The following CCDC174 variants were observed in gnomAD, a reference collection of about 807,000 sequenced individuals.
CCDC174 encodes the protein coiled-coil domain containing 174, also known as coiled-coil domain-containing protein 174.
CCDC174 carries 37 observed loss-of-function variants against 57.1 expected under a neutral mutation model. The observed-to-expected ratio is 0.65, with a 90% CI of 0.50 to 0.85. CCDC174 has a LOEUF of 0.85. Among genes scored for constraint, CCDC174 ranks in the 40% least tolerant of loss-of-function variants. The pLI is 0.00. For missense variants in CCDC174, 540 were observed against 574.3 expected (o/e 0.94, Z 0.61); for synonymous variants, 182 against 190.2 (o/e 0.96, Z 0.35).
chr3:14,669,810 G>C (rs952224274), intron 9 of CCDC174, 124 bp from the exon 10 acceptor site: 1 of 861,036 alleles, frequency 1.2e-6, no homozygotes, highest in Non-Finnish European at 1.8e-6. Context: ...CCACTGCCTG[G>C]GACATGTTAG....
intron 5 of CCDC174, among the ~76,000 whole-genome samples, chr3:14,663,964 C>T (rs1361177372): frequency 6.6e-6 from 1 of 152,020 alleles, no homozygotes; most frequent in Non-Finnish European, 1.5e-5. Flanking sequence ...AGTTAAATTC[C>T]AGGTGGTAGA....
At position 14,659,748 on chromosome 3, in the gene CCDC174, C is replaced by G. The variant is rs369886812; in HGVS notation, c.307+819C>G. ...TTTTCTCATATCCCCCAGAAAAAACCCAATCCATAATTAGACAACAGTAGA... is the reference window on the plus strand; with the variant it reads ...TTTTCTCATATCCCCCAGAAAAAACGCAATCCATAATTAGACAACAGTAGA... On this transcript the variant is annotated intron_variant, in intron 4 of 10. Coordinates refer to ENST00000383794, the MANE Select transcript of CCDC174 (RefSeq NM_016474.5). Among the ~76,000 whole-genome samples, 15 of 152,128 alleles carry G rather than the reference C, an allele frequency of 9.9e-5. No homozygotes were observed. In the East Asian group the frequency reaches 2.7e-3, roughly 27 times the overall value.
chr3:14,664,385 C>T (rs1474203100), intron 5 of CCDC174, among the ~76,000 whole-genome samples: 5 of 152,114 alleles, frequency 3.3e-5, no homozygotes, highest in Non-Finnish European at 5.9e-5. Context: ...AACATCTGTC[C>T]GTATTTTCCA....
rs771345868 is a variant in CCDC174, at chr3:14,666,879, A to T, written c.656A>T (p.Glu219Val). ...MRKELQRQQW[E>V]EEEREALKRP... ...AAAGAACTTCAGCGCCAGCAATGGG[A>T]GGAAGAAGAAAGAGAGGCCCTGAAG... The change falls in exon 7 of 11, where the codon GAG becomes GTG. Residue 219 changes from glutamate (E) to valine (V), a missense_variant. Glu to Val is a moderately radical substitution (Grantham distance 121). Transcript: ENST00000383794. 6.2e-7 allele frequency: 1 copy of T among 1,607,374 alleles called. No homozygotes were observed.
At chr3:14,664,940 T>G in intron 5 of CCDC174, 88 bp from the exon 6 acceptor site, 1 of 903,542 alleles carries the variant, frequency 1.1e-6, no homozygotes, top group Non-Finnish European at 1.9e-6. Context: ...GAGGCCTATC[T>G]TCCCCCTTCA....
intron 1 of CCDC174, among the ~76,000 whole-genome samples, chr3:14,652,451 G>C (rs965499757): frequency 1.3e-5 from 2 of 152,188 alleles, no homozygotes; most frequent in Admixed American, 6.5e-5. Flanking sequence ...AAGAAAACTT[G>C]TTCTAAGTAC....
intron 6 of CCDC174, among the ~76,000 whole-genome samples, chr3:14,666,006 C>T (rs138125791): frequency 1.1e-3 from 154 of 146,062 alleles, no homozygotes; most frequent in African/African-American, 3.8e-3. Context: ...CCACTGCACT[C>T]CAGTCTGGGC....
chr3:14,659,523 C>T (rs969814722), intron 4 of CCDC174, among the ~76,000 whole-genome samples: 3 of 152,088 alleles, frequency 2.0e-5, no homozygotes, highest in African/African-American at 7.2e-5. Context: ...TCTGTCTCTA[C>T]AAAAAGTAAT....
chr3:14,655,243 T>C (rs56901838), intron 2 of CCDC174, among the ~76,000 whole-genome samples: 19,149 of 151,928 alleles, frequency 0.13, 1,449 homozygotes, highest in Non-Finnish European at 0.18. Context: ...CCCAGGATGT[T>C]GAGGCTGCAG....
At chr3:14,668,283 A>G (rs1303629609) in intron 9 of CCDC174, 102 bp downstream of exon 9, 1 of 1,177,562 alleles carries the variant, frequency 8.5e-7, no homozygotes. Context: ...ATTTAGTTTT[A>G]TATTTAAGCA....
intron 1 of CCDC174, 48 bp from the exon 2 acceptor site, chr3:14,654,378 C>A (rs2030878435): frequency 1.1e-6 from 1 of 935,224 alleles, no homozygotes; most frequent in South Asian, 1.5e-5. Flanking sequence ...GCAATCCAGT[C>A]ACCTGCAGGA....
rs2031511156 is a variant in CCDC174 at position 14,671,481 on chromosome 3, A to G, written c.*287A>G. 1 of 340,958 alleles carries G rather than the reference A, an allele frequency of 2.9e-6. No homozygotes were observed. Among genetic ancestry groups the G allele is most frequent in the Admixed American group, 4.5e-5 (1 of 22,366 alleles). The allele number at this position is 340,958 out of a possible 1,614,324, so 21.1% of individuals were successfully genotyped here. Reference sequence around the variant, plus strand: ...AATTAGACACTGAGATGTGCTTATAACCCTGTTTCATATCTACTCCCACGA... The same window carrying G: ...AATTAGACACTGAGATGTGCTTATAGCCCTGTTTCATATCTACTCCCACGA... On this transcript the variant is annotated 3_prime_UTR_variant, in exon 11 of 11. Transcript: ENST00000383794.
chr3:14,664,338 T>C (rs1332610827), intron 5 of CCDC174, among the ~76,000 whole-genome samples: 3 of 152,178 alleles, frequency 2.0e-5, no homozygotes, highest in African/African-American at 7.2e-5. Context: ...AAGTAAAATA[T>C]CTGTTGCGTC....
chr3:14,655,042 C>T (rs116138947), intron 2 of CCDC174, among the ~76,000 whole-genome samples: 1,575 of 152,308 alleles, frequency 0.01, 25 homozygotes, highest in African/African-American at 0.034. Context: ...TTAGGCTGGG[C>T]GTGGTTCCCA....
intron 8 of CCDC174, 61 bp downstream of exon 8, chr3:14,667,579 C>A: frequency 8.1e-7 from 1 of 1,227,428 alleles, no homozygotes; most frequent in Non-Finnish European, 1.2e-6. Context: ...CTTGCTGGAC[C>A]ATACTGCAGA....
Position 14,668,224 on chromosome 3 carries a change from TATTTCC to T in CCDC174, c.952+47_952+52del, listed in dbSNP as rs761168031. The stretch of plus-strand genomic sequence containing the variant: ...TGCTGAACTTCAAAAGGGAAAATTT[TATTTCC>T]ATTGATGTCTTGCTAATAGGGCTGG... On this transcript the variant is annotated intron_variant, in intron 9 of 10. Coordinates refer to ENST00000383794, the MANE Select transcript of CCDC174 (RefSeq NM_016474.5). The T allele has an allele frequency of 7.8e-6, 12 of 1,543,516 alleles. No individual in the cohort carries two copies. The African/African-American group carries it at 1.1e-4, about 14-fold the overall frequency.
In CCDC174 at chr3:14,666,966, A is replaced by G; in HGVS notation, c.724+19A>G. On this transcript the variant is annotated intron_variant, in intron 7 of 10. Coordinates refer to ENST00000383794, the MANE Select transcript of CCDC174 (RefSeq NM_016474.5). ...GAAAATGGTATGACTATTTTCTTGC[A>G]GCTTTGCAAATCTTATTTTTAACCT... The G allele has an allele frequency of 6.4e-7, 1 of 1,566,140 alleles. No individual in the cohort carries two copies. The highest frequency in any genetic ancestry group is 8.6e-7 in the Non-Finnish European group (1 of 1,163,590).
At chr3:14,670,635 T>C (rs1049151285) in intron 10 of CCDC174, among the ~76,000 whole-genome samples, 5 of 152,226 alleles carry the variant, frequency 3.3e-5, no homozygotes, top group African/African-American at 1.2e-4. Context: ...CAATGTCATG[T>C]CAAGCAGATA....
chr3:14,661,073 T>C (rs2031118203), intron 4 of CCDC174, among the ~76,000 whole-genome samples: 1 of 152,200 alleles, frequency 6.6e-6, no homozygotes, highest in South Asian at 2.1e-4. Flanking sequence ...ATTATGACCT[T>C]TAAAACACTT....
Sources: allele counts gnomAD v4.1 joint callset (sites outside exome capture counted in the v4.1 genomes callset), GRCh38; gene constraint gnomAD v4.1.1; transcripts MANE v1.5; gene names NCBI Gene and HGNC (gene_info 2026-07-23, HGNC 2026-07-21).